Variants in ADORA2B observed in about 807,000 individuals in gnomAD.
ADORA2B encodes adenosine receptor A2b.
In ADORA2B, 18 loss-of-function variants were observed where a neutral mutation model predicts 20.8. The ratio of observed to expected loss-of-function variants is 0.87; its 90% CI spans 0.60 to 1.29. The LOEUF (loss-of-function observed/expected upper bound fraction) is 1.29. Among genes scored for constraint, ADORA2B ranks in the 50% most tolerant of loss-of-function variants. The pLI, the probability that ADORA2B is intolerant of heterozygous loss-of-function variation, is 0.00. For synonymous variants in ADORA2B, 179 were observed against 178.3 expected, an observed-to-expected ratio of 1.00 and a Z score of -0.03; for missense variants, 441 against 422.7, an observed-to-expected ratio of 1.04 and a Z score of -0.38.
the ADORA2B span, among the ~76,000 whole-genome samples, chr17:15,883,678 G>A: frequency 7.2e-5 from 11 of 152,250 alleles, no homozygotes; most frequent in African/African-American, 2.4e-4. Flanking sequence ...ACAGTCACAC[G>A]TGTGTTGTTG....
chr17:15,935,609 AG>A, the ADORA2B span, among the ~76,000 whole-genome samples: 1 of 151,904 alleles, frequency 6.6e-6, no homozygotes, highest in African/African-American at 2.4e-5. Flanking sequence ...AAATTTGGGA[AG>A]TTTTTGACCA....
the ADORA2B span, among the ~76,000 whole-genome samples, chr17:15,900,110 A>G: frequency 1.6e-3 from 236 of 152,254 alleles, no homozygotes; most frequent in Non-Finnish European, 2.5e-3. Context: ...GACTACAGGC[A>G]TGAGCCACTG....
At chr17:15,912,260 G>C in the ADORA2B span, among the ~76,000 whole-genome samples, 1 of 150,772 alleles carries the variant, frequency 6.6e-6, no homozygotes, top group Non-Finnish European at 1.5e-5. Flanking sequence ...CATGCTTGTA[G>C]TCCTAGCTAC....
At chr17:15,875,801 G>C in the ADORA2B span, among the ~76,000 whole-genome samples, 1 of 152,036 alleles carries the variant, frequency 6.6e-6, no homozygotes, top group Non-Finnish European at 1.5e-5. Flanking sequence ...GGATGGTCTC[G>C]AACTTCTGAC....
chr17:15,914,809 G>A, the ADORA2B span, among the ~76,000 whole-genome samples: 2 of 152,228 alleles, frequency 1.3e-5, no homozygotes, highest in African/African-American at 2.4e-5. Context: ...AGATGTTCCA[G>A]ATGGTAGCTT....
At chr17:15,933,214 C>G in the ADORA2B span, among the ~76,000 whole-genome samples, 3 of 152,130 alleles carry the variant, frequency 2.0e-5, no homozygotes, top group Non-Finnish European at 4.4e-5. Flanking sequence ...CTCAGCCTCC[C>G]AAAGTGTTGG....
At chr17:15,949,660 T>C (rs562212791) in intron 1 of ADORA2B, among the ~76,000 whole-genome samples, 1 of 151,700 alleles carries the variant, frequency 6.6e-6, no homozygotes, top group South Asian at 2.1e-4. Flanking sequence ...TCACCTGAGG[T>C]CAGAGTTCGA....
chr17:15,864,427 C>A, the ADORA2B span, among the ~76,000 whole-genome samples: 1 of 151,528 alleles, frequency 6.6e-6, no homozygotes, highest in East Asian at 1.9e-4. Context: ...GCTCTTGATG[C>A]AATAGAAATT....
chr17:15,937,523 T>C, the ADORA2B span, among the ~76,000 whole-genome samples: 2 of 152,140 alleles, frequency 1.3e-5, no homozygotes, highest in Non-Finnish European at 2.9e-5. Flanking sequence ...CCTATGCACA[T>C]GCACAAGGCC....
At chr17:15,931,417 G>C in the ADORA2B span, among the ~76,000 whole-genome samples, 1 of 152,224 alleles carries the variant, frequency 6.6e-6, no homozygotes, top group Non-Finnish European at 1.5e-5. Context: ...ACATTGGGTA[G>C]AAATAGCCTA....
the ADORA2B span, among the ~76,000 whole-genome samples, chr17:15,862,503 G>A: frequency 0.083 from 12,618 of 152,098 alleles, 1,475 homozygotes; most frequent in African/African-American, 0.26. Flanking sequence ...GAGCCTCCAT[G>A]CCTGGCCAAC....
At chr17:15,884,031 A>G in the ADORA2B span, among the ~76,000 whole-genome samples, 8 of 152,358 alleles carry the variant, frequency 5.3e-5, no homozygotes, top group South Asian at 1.0e-3. Context: ...CAAAGCATCA[A>G]GAGGCTCCAT....
intron 1 of ADORA2B, among the ~76,000 whole-genome samples, chr17:15,946,393 G>A (rs1969806933): frequency 6.6e-6 from 1 of 152,184 alleles, no homozygotes; most frequent in African/African-American, 2.4e-5. Context: ...AGGATTCAGG[G>A]GATGGAGTCA....
At chr17:15,967,512 T>C (rs899304109) in intron 1 of ADORA2B, among the ~76,000 whole-genome samples, 3 of 152,050 alleles carry the variant, frequency 2.0e-5, no homozygotes, top group African/African-American at 7.2e-5. Flanking sequence ...ATTACAGGCG[T>C]GAGCCACCGC....
the ADORA2B span, among the ~76,000 whole-genome samples, chr17:15,935,325 A>T: frequency 1.3e-5 from 2 of 152,070 alleles, no homozygotes; most frequent in Non-Finnish European, 2.9e-5. Context: ...TAGATAGAGA[A>T]TTTTTGGTTG....
rs1004103681 is a variant in ADORA2B, at chr17:15,975,061, G to T, written c.718G>T (p.Val240Leu). The T allele has an allele frequency of 5.6e-6, 9 of 1,614,146 alleles. No individual in the cohort carries two copies. The highest frequency in any genetic ancestry group is 8.5e-7 in the Non-Finnish European group (1 of 1,180,024). The change falls in exon 2 of 2, where the codon GTG (valine) becomes TTG (leucine). Residue 240 changes from valine (V) to leucine (L), a missense_variant. Physicochemically the swap from Val to Leu is conservative, Grantham distance 32. Transcript: ENST00000304222. Reference protein sequence around the residue: ...IHAAKSLAMIVGIFALCWLPV... With the variant: ...IHAAKSLAMILGIFALCWLPV... ...TGCAGCCAAGTCACTGGCCATGATT[G>T]TGGGGATTTTTGCCCTGTGCTGGTT... is the stretch of plus-strand genomic sequence containing the variant.
At chr17:15,867,285 A>G in the ADORA2B span, among the ~76,000 whole-genome samples, 1 of 147,072 alleles carries the variant, frequency 6.8e-6, no homozygotes, top group African/African-American at 2.5e-5. Context: ...CTGGCTGCCC[A>G]GTCTGGAAAG....
chr17:15,975,582 C>A lies in ADORA2B; in HGVS notation c.*240C>A. 1 of 518,288 alleles carries A rather than the reference C, an allele frequency of 1.9e-6. No homozygotes were observed. Among genetic ancestry groups the A allele is most frequent in the South Asian group, 2.9e-5 (1 of 33,986 alleles). The allele number at this position is 518,288 out of a possible 1,614,324, so 32.1% of individuals were successfully genotyped here. A position where few individuals can be genotyped will look rare whatever the true frequency, so the allele number is the denominator to read the frequency against. On this transcript the variant is annotated 3_prime_UTR_variant, in exon 2 of 2. Coordinates refer to ENST00000304222, the MANE Select transcript of ADORA2B (RefSeq NM_000676.4). ...TTTACTGTGTGGATTATGCCAACAGCTTGAATGGATTCTAACAGACTCTTT... is the reference window on the plus strand; with the variant it reads ...TTTACTGTGTGGATTATGCCAACAGATTGAATGGATTCTAACAGACTCTTT...
the ADORA2B span, among the ~76,000 whole-genome samples, chr17:15,872,617 T>C: frequency 2.0e-5 from 3 of 152,240 alleles, no homozygotes; most frequent in African/African-American, 7.2e-5. Context: ...TTTCACCTCC[T>C]TGGTTAAGTA....
Sources: gnomAD v4.1 joint callset for allele counts (sites outside exome capture counted in the v4.1 genomes callset) on GRCh38, gnomAD v4.1.1 for gene constraint, MANE v1.5 for transcripts, NCBI Gene and HGNC (gene_info 2026-07-23, HGNC 2026-07-21) for gene names.